CAMKMT: variants seen among roughly 807,000 people sequenced by gnomAD.
CAMKMT encodes the protein calmodulin-lysine N-methyltransferase.
CAMKMT carries 53 observed loss-of-function variants against 48.0 expected under a neutral mutation model. That is an observed-to-expected ratio of 1.10 (90% confidence interval 0.89 to 1.39). The LOEUF (loss-of-function observed/expected upper bound fraction) is 1.39, where lower values mean the gene tolerates loss of function less well. Among genes scored for constraint, CAMKMT ranks in the 40% most tolerant of loss-of-function variants. The pLI is 0.00. For missense variants in CAMKMT, 428 were observed against 402.7 expected (o/e 1.06, Z -0.54); for synonymous variants, 165 against 152.3 (o/e 1.08, Z -0.61).
At chr2:44,427,559 G>A (rs999232709) in intron 3 of CAMKMT, among the ~76,000 whole-genome samples, 4 of 152,218 alleles carry the variant, frequency 2.6e-5, no homozygotes, top group East Asian at 1.9e-4. Flanking sequence ...TCTCAACTTC[G>A]TGAATCTAGA....
chr2:44,694,465 T>G (rs955379133), intron 3 of CAMKMT, among the ~76,000 whole-genome samples: 2 of 152,142 alleles, frequency 1.3e-5, no homozygotes, highest in African/African-American at 4.8e-5. Context: ...TCCCACCTAC[T>G]TGGGAGAGAA....
chr2:44,760,043 G>A (rs900285111), intron 9 of CAMKMT, among the ~76,000 whole-genome samples: 1 of 152,160 alleles, frequency 6.6e-6, no homozygotes, highest in African/African-American at 2.4e-5. Flanking sequence ...TATGCGCTGA[G>A]GAATGTGGGC....
intron 3 of CAMKMT, among the ~76,000 whole-genome samples, chr2:44,547,790 A>G (rs1046243055): frequency 7.9e-4 from 120 of 152,198 alleles, no homozygotes; most frequent in African/African-American, 2.8e-3. Flanking sequence ...GAGAAGTTCA[A>G]ATAACATTAC....
At chr2:44,748,043 C>T (rs769853002) in intron 8 of CAMKMT, among the ~76,000 whole-genome samples, 1 of 152,126 alleles carries the variant, frequency 6.6e-6, no homozygotes, top group African/African-American at 2.4e-5. Flanking sequence ...TCTCTCAGCC[C>T]ATTAAGACTT....
chr2:44,610,006 T>G (rs1671510667), intron 3 of CAMKMT, among the ~76,000 whole-genome samples: 1 of 152,220 alleles, frequency 6.6e-6, no homozygotes, highest in Non-Finnish European at 1.5e-5. Context: ...CATCTTAGCC[T>G]AAGGCATTGA....
intron 3 of CAMKMT, among the ~76,000 whole-genome samples, chr2:44,562,103 G>A (rs1668354714): frequency 1.3e-5 from 2 of 152,104 alleles, no homozygotes; most frequent in African/African-American, 2.4e-5. Flanking sequence ...GTTTATTGGG[G>A]TATTCTGCCA....
intron 3 of CAMKMT, among the ~76,000 whole-genome samples, chr2:44,541,853 G>C (rs974451069): frequency 7.2e-5 from 11 of 151,962 alleles, no homozygotes; most frequent in Non-Finnish European, 1.0e-4. Context: ...ATATCGGCCG[G>C]GCACGATGGC....
rs4039616 is a variant in CAMKMT, at chr2:44,634,800, C to CAAAAAA, written c.377-69476_377-69471dup. On this transcript the variant is annotated intron_variant, in intron 3 of 10. Transcript: ENST00000378494. ...GGTATTCTCCAGGTTGAGGGCTAGC[C>CAAAAAA]AAAAAAAAAAAAGCATTCTAGTCAG... 8.5e-4 allele frequency among the ~76,000 whole-genome samples: 94 copies of CAAAAAA among 110,136 alleles called. 4 individuals carry two copies. Among genetic ancestry groups the CAAAAAA allele is most frequent in the African/African-American group, 3.1e-3 (85 of 27,738 alleles). The allele number at this position is 110,136 out of a possible 152,430, so 72.3% of individuals were successfully genotyped here.
chr2:44,540,891 T>C (rs1045682827), intron 3 of CAMKMT, among the ~76,000 whole-genome samples: 1 of 152,280 alleles, frequency 6.6e-6, no homozygotes, highest in African/African-American at 2.4e-5. Flanking sequence ...TTTATTCTTA[T>C]GCATGATGTA....
intron 3 of CAMKMT, among the ~76,000 whole-genome samples, chr2:44,605,555 A>T (rs1222192071): frequency 6.6e-6 from 1 of 152,186 alleles, no homozygotes; most frequent in Non-Finnish European, 1.5e-5. Flanking sequence ...TTTGTATATC[A>T]TTGAAAAAGT....
At chr2:44,668,868 G>A (rs1457197756) in intron 3 of CAMKMT, among the ~76,000 whole-genome samples, 1 of 151,558 alleles carries the variant, frequency 6.6e-6, no homozygotes, top group East Asian at 1.9e-4. Flanking sequence ...TACAACCTCT[G>A]CCTCCCAGGT....
At chr2:44,486,737 T>G (rs934965069) in intron 3 of CAMKMT, among the ~76,000 whole-genome samples, 1 of 152,212 alleles carries the variant, frequency 6.6e-6, no homozygotes, top group African/African-American at 2.4e-5. Context: ...GGCCCATCAG[T>G]TTGGGCCAAA....
intron 3 of CAMKMT, among the ~76,000 whole-genome samples, chr2:44,416,126 G>T (rs562189797): frequency 6.6e-6 from 1 of 152,184 alleles, no homozygotes; most frequent in South Asian, 2.1e-4. Flanking sequence ...ATTATTTAAA[G>T]AAAAAAGCAA....
chr2:44,603,740 A>G (rs896613132), intron 3 of CAMKMT, among the ~76,000 whole-genome samples: 1 of 152,204 alleles, frequency 6.6e-6, no homozygotes, highest in Non-Finnish European at 1.5e-5. Flanking sequence ...TAATTATTTA[A>G]AATGTATTCC....
At chr2:44,449,168 A>C (rs1266041182) in intron 3 of CAMKMT, among the ~76,000 whole-genome samples, 2 of 152,130 alleles carry the variant, frequency 1.3e-5, no homozygotes, top group African/African-American at 4.8e-5. Flanking sequence ...ACAAAACTTC[A>C]ATCAGATCGT....
intron 2 of CAMKMT, among the ~76,000 whole-genome samples, chr2:44,374,387 T>G (rs1034913965): frequency 1.3e-5 from 2 of 152,130 alleles, no homozygotes; most frequent in African/African-American, 4.8e-5. Flanking sequence ...GAAGCAGGAA[T>G]GGAAATGATT....
At chr2:44,371,129 C>T (rs1679137083) in intron 1 of CAMKMT, among the ~76,000 whole-genome samples, 1 of 152,132 alleles carries the variant, frequency 6.6e-6, no homozygotes, top group Admixed American at 6.6e-5. Flanking sequence ...GGATTACAGG[C>T]CCCCGCCACC....
intron 3 of CAMKMT, among the ~76,000 whole-genome samples, chr2:44,428,386 T>C (rs1684418405): frequency 6.6e-6 from 1 of 152,192 alleles, no homozygotes; most frequent in African/African-American, 2.4e-5. Flanking sequence ...TCTTCTTTCC[T>C]TCTCTGTTGT....
At position 44,446,200 on chromosome 2, in the gene CAMKMT, G is replaced by T. The variant is rs1055304199; in HGVS notation, c.376+55895G>T. ...TGACCTCAGGTGATCGGCTCACCTT[G>T]GCCTCCCAAAATGCTGGGATTACAG... On this transcript the variant is annotated intron_variant, in intron 3 of 10. Transcript: ENST00000378494. 7.2e-5 allele frequency among the ~76,000 whole-genome samples: 11 copies of T among 151,758 alleles called. No individual in the cohort carries two copies. In the South Asian group the frequency reaches 1.7e-3, roughly 23 times the overall value.
Sources: gnomAD v4.1 joint callset for allele counts (sites outside exome capture counted in the v4.1 genomes callset) on GRCh38, gnomAD v4.1.1 for gene constraint, MANE v1.5 for transcripts, NCBI Gene and HGNC (gene_info 2026-07-23, HGNC 2026-07-21) for gene names.